The following TAF1B variants were observed in gnomAD, a reference collection of about 807,000 sequenced individuals.
TAF1B encodes the protein TATA-box binding protein associated factor, RNA polymerase I subunit B, also known as TATA box-binding protein-associated factor RNA polymerase I subunit B.
A neutral mutation model predicts 83.9 loss-of-function variants in TAF1B; 61 were observed. That is an observed-to-expected ratio of 0.73 (90% CI 0.59 to 0.90). The LOEUF (loss-of-function observed/expected upper bound fraction) is 0.90, where lower values mean the gene tolerates loss of function less well. TAF1B is among the 40% of genes least tolerant of loss of function. TAF1B has a pLI of 0.00. For synonymous variants in TAF1B, 221 were observed against 224.6 expected, an observed-to-expected ratio of 0.98 and a Z score of 0.14; for missense variants, 625 against 677.0, an observed-to-expected ratio of 0.92 and a Z score of 0.85.
At chr2:9,898,717 A>T (rs1268271159) in intron 8 of TAF1B, among the ~76,000 whole-genome samples, 3 of 152,166 alleles carry the variant, frequency 2.0e-5, no homozygotes, top group Admixed American at 6.5e-5. Flanking sequence ...ATTTTTAATA[A>T]TTATAGTTTA....
At chr2:9,881,468 CTTATTTTA>C (rs1464420815) in intron 7 of TAF1B, among the ~76,000 whole-genome samples, 1 of 152,064 alleles carries the variant, frequency 6.6e-6, no homozygotes, top group Non-Finnish European at 1.5e-5. Flanking sequence ...CCTTAATTTT[CTTATTTTA>C]AATATATATA....
intron 8 of TAF1B, among the ~76,000 whole-genome samples, chr2:9,892,531 G>A (rs1298138197): frequency 2.0e-5 from 3 of 152,160 alleles, no homozygotes; most frequent in Non-Finnish European, 2.9e-5. Context: ...GTGAGATCAT[G>A]CAGTATTTGT....
chr2:9,882,453 G>A (rs1046028638), intron 7 of TAF1B, among the ~76,000 whole-genome samples: 5 of 152,196 alleles, frequency 3.3e-5, no homozygotes, highest in Non-Finnish European at 7.3e-5. Context: ...GTGCCACTGT[G>A]TGCAGTCCTT....
intron 14 of TAF1B, among the ~76,000 whole-genome samples, chr2:9,923,237 CAAA>C (rs71391173): frequency 0.21 from 23,782 of 112,980 alleles, 2,332 homozygotes; most frequent in East Asian, 0.36. Flanking sequence ...GACTCCATCT[CAAA>C]AAAAAAAAAA....
Position 9,934,296 on chromosome 2 carries a change from A to G in TAF1B, c.*312A>G, listed in dbSNP as rs1199148870. ...TTTATTTTTTAAACTAGATCCCTTCATTATTCTTTATGCCCCAGAGTAAAT... is the reference window on the plus strand; with the variant it reads ...TTTATTTTTTAAACTAGATCCCTTCGTTATTCTTTATGCCCCAGAGTAAAT... On this transcript the variant is annotated 3_prime_UTR_variant, in exon 15 of 15. Transcript: ENST00000263663. The G allele has an allele frequency of 4.1e-5, 8 of 194,456 alleles. 1 individual carries two copies. The highest frequency in any genetic ancestry group is 7.4e-5 in the Non-Finnish European group (7 of 94,396). The allele number at this position is 194,456 out of a possible 1,614,324, so 12.0% of individuals were successfully genotyped here. A position where few individuals can be genotyped will look rare whatever the true frequency, so the allele number is the denominator to read the frequency against.
chr2:9,893,790 C>G (rs972492310), intron 8 of TAF1B, among the ~76,000 whole-genome samples: 1 of 129,010 alleles, frequency 7.8e-6, no homozygotes, highest in African/African-American at 3.0e-5. Flanking sequence ...GAGCAAAATT[C>G]AGTAAACTAG....
chr2:9,861,609 A>T (rs889434289), intron 5 of TAF1B, among the ~76,000 whole-genome samples: 7 of 152,226 alleles, frequency 4.6e-5, no homozygotes, highest in Admixed American at 6.5e-5. Context: ...TGGTTCTCCC[A>T]CCATGCAGCT....
intron 14 of TAF1B, among the ~76,000 whole-genome samples, chr2:9,933,480 A>G (rs1666278493): frequency 6.6e-6 from 1 of 152,186 alleles, no homozygotes; most frequent in African/African-American, 2.4e-5. Context: ...GTTTGCCTTG[A>G]CCATGGTAAG....
intron 14 of TAF1B, among the ~76,000 whole-genome samples, chr2:9,927,083 A>G (rs945772180): frequency 1.6e-5 from 2 of 125,402 alleles, no homozygotes; most frequent in African/African-American, 3.1e-5. Flanking sequence ...AAGTGTTCTC[A>G]TTGTTCAATT....
At chr2:9,886,221 GA>G (rs1298734332) in intron 8 of TAF1B, among the ~76,000 whole-genome samples, 1 of 137,058 alleles carries the variant, frequency 7.3e-6, no homozygotes, top group African/African-American at 2.5e-5. Context: ...AAAAAAAAAA[GA>G]CATACCATTT....
chr2:9,851,494 T>A (rs1251714056), intron 3 of TAF1B, 47 bp from the exon 4 acceptor site: 1 of 1,418,844 alleles, frequency 7.0e-7, no homozygotes, highest in African/African-American at 1.4e-5. Context: ...GCATTAAAGT[T>A]AGTAAATTAG....
intron 2 of TAF1B, chr2:9,846,287 T>G (rs1558610871): frequency 2.7e-6 from 1 of 364,176 alleles, no homozygotes; most frequent in African/African-American, 2.1e-5. Flanking sequence ...CGAGGCTACC[T>G]TCACATTGTG....
chr2:9,885,856 T>C (rs899770637), intron 8 of TAF1B, among the ~76,000 whole-genome samples: 1 of 152,100 alleles, frequency 6.6e-6, no homozygotes, highest in Non-Finnish European at 1.5e-5. Flanking sequence ...TATATTTTCC[T>C]AGTGCCTGAA....
At chr2:9,868,255 T>C in intron 5 of TAF1B, 21 bp from the exon 6 acceptor site, 1 of 1,610,996 alleles carries the variant, frequency 6.2e-7, no homozygotes, top group East Asian at 2.2e-5. Flanking sequence ...AATAATTTTA[T>C]TTATATTGTT....
chr2:9,922,264 C>T (rs1039693180), intron 14 of TAF1B, among the ~76,000 whole-genome samples: 1 of 152,156 alleles, frequency 6.6e-6, no homozygotes, highest in Non-Finnish European at 1.5e-5. Context: ...GCTCCCATCT[C>T]ATTGAAAGGA....
intron 8 of TAF1B, among the ~76,000 whole-genome samples, chr2:9,891,130 C>T (rs1664860449): frequency 6.6e-6 from 1 of 152,204 alleles, no homozygotes; most frequent in Non-Finnish European, 1.5e-5. Flanking sequence ...TTTCAGTCAA[C>T]AATGGATCAC....
intron 9 of TAF1B, among the ~76,000 whole-genome samples, chr2:9,908,736 A>G (rs1665427082): frequency 6.6e-6 from 1 of 152,228 alleles, no homozygotes; most frequent in Admixed American, 6.5e-5. Flanking sequence ...TTAATAGTAT[A>G]ATAGTCCAAA....
intron 3 of TAF1B, 96 bp from the exon 4 acceptor site, chr2:9,851,445 C>A: frequency 7.4e-6 from 7 of 949,372 alleles, no homozygotes; most frequent in East Asian, 2.6e-5. Context: ...AAGAAAAATT[C>A]AAGTCGCAAT....
chr2:9,872,096 C>T lies in TAF1B; in HGVS notation c.553+3667C>T, dbSNP rs375363082. Among the ~76,000 whole-genome samples the T allele has an allele frequency of 4.3e-4, 65 of 151,632 alleles. 1 individual carries two copies. In the South Asian group the frequency reaches 6.1e-3, roughly 14 times the overall value. ...TAATCCCAGCACTTTGGGAGGCCGA[C>T]GCAGGCGGATCACGAGGGCAGGAGA... On this transcript the variant is annotated intron_variant, in intron 6 of 14. Transcript: ENST00000263663.
Sources: allele counts gnomAD v4.1 joint callset (sites outside exome capture counted in the v4.1 genomes callset), GRCh38; gene constraint gnomAD v4.1.1; transcripts MANE v1.5; gene names NCBI Gene and HGNC (gene_info 2026-07-23, HGNC 2026-07-21).